The following BBX variants were observed in gnomAD, a reference collection of about 807,000 sequenced individuals.
BBX encodes the protein BBX high mobility group box domain containing.
Under a neutral mutation model 100.2 loss-of-function variants are expected in BBX, and 30 were observed. The ratio of observed to expected loss-of-function variants is 0.30; its 90% CI spans 0.22 to 0.41. The LOEUF (loss-of-function observed/expected upper bound fraction) is 0.41. Among genes scored for constraint, BBX ranks in the 10% least tolerant of loss-of-function variants. BBX has a pLI of 1.00. For synonymous variants in BBX, 376 were observed against 388.1 expected (o/e 0.97, Z 0.37); for missense variants, 1,023 against 1,129.8 (o/e 0.91, Z 1.35).
rs559883815 is a variant in BBX at position 107,621,859 on chromosome 3, T to C, written c.-83-23977T>C. On this transcript the variant is annotated intron_variant, in intron 2 of 17. Coordinates refer to ENST00000325805, the MANE Select transcript of BBX (RefSeq NM_001142568.3). ...CAATGAACTGATACAGCTCATCCCC[T>C]TTAAATACTCTTATTCATAGATACA... is the stretch of plus-strand genomic sequence containing the variant. 2.0e-5 allele frequency among the ~76,000 whole-genome samples: 3 copies of C among 152,362 alleles called. No individual in the cohort carries two copies. The South Asian group carries it at 6.2e-4, about 32-fold the overall frequency.
intron 3 of BBX, among the ~76,000 whole-genome samples, chr3:107,686,465 A>G (rs560902869): frequency 4.6e-4 from 69 of 151,626 alleles, no homozygotes; most frequent in Non-Finnish European, 8.8e-4. Context: ...TTCTAAGACT[A>G]TAAACCTGTG....
intron 2 of BBX, among the ~76,000 whole-genome samples, chr3:107,553,731 A>G (rs2049873891): frequency 6.6e-6 from 1 of 152,196 alleles, no homozygotes; most frequent in South Asian, 2.1e-4. Flanking sequence ...GTGATTTCTG[A>G]TTACTATCTC....
At chr3:107,554,634 T>G (rs2107445120) in intron 2 of BBX, among the ~76,000 whole-genome samples, 1 of 152,340 alleles carries the variant, frequency 6.6e-6, no homozygotes, top group African/African-American at 2.4e-5. Flanking sequence ...TTTCTGTAGC[T>G]CTTTGATTCG....
At chr3:107,791,395 A>G in intron 15 of BBX, 96 bp downstream of exon 15, 1 of 1,009,752 alleles carries the variant, frequency 9.9e-7, no homozygotes, top group Non-Finnish European at 1.5e-6. Flanking sequence ...ATAGGTTTAA[A>G]CAACAGCACT....
chr3:107,615,481 A>G (rs879222092), intron 2 of BBX, among the ~76,000 whole-genome samples: 1 of 152,228 alleles, frequency 6.6e-6, no homozygotes, highest in African/African-American at 2.4e-5. Context: ...ACATTGTAGA[A>G]AGAGCAAGGC....
intron 15 of BBX, among the ~76,000 whole-genome samples, chr3:107,792,951 C>T (rs2069211318): frequency 6.6e-6 from 1 of 151,996 alleles, no homozygotes; most frequent in Admixed American, 6.6e-5. Context: ...GAGCACTTAC[C>T]TGGGAGTTAG....
At chr3:107,633,308 ATAT>A (rs1405779342) in intron 2 of BBX, among the ~76,000 whole-genome samples, 19 of 152,088 alleles carry the variant, frequency 1.2e-4, no homozygotes, top group South Asian at 6.2e-4. Flanking sequence ...TAGTTGAATT[ATAT>A]TATTATTAAA....
intron 13 of BBX, among the ~76,000 whole-genome samples, chr3:107,788,127 T>TATTTC: frequency 6.6e-6 from 1 of 152,310 alleles, no homozygotes; most frequent in East Asian, 1.9e-4. Context: ...TATTTTATTT[T>TATTTC]ATTTCATTTT....
chr3:107,565,932 G>A (rs1160063618), intron 2 of BBX, among the ~76,000 whole-genome samples: 1 of 151,772 alleles, frequency 6.6e-6, no homozygotes, highest in South Asian at 2.1e-4. Flanking sequence ...CTAGCACTTT[G>A]AGAGGCTGAG....
intron 5 of BBX, among the ~76,000 whole-genome samples, chr3:107,725,431 A>G (rs2062850347): frequency 6.6e-6 from 1 of 152,066 alleles, no homozygotes. Flanking sequence ...CCTGGCCAGA[A>G]CTTCCAACAC....
In BBX at chr3:107,798,406, C is replaced by T. The variant is rs545078935; in HGVS notation, c.2354-117C>T. The T allele has an allele frequency of 8.0e-5, 75 of 936,948 alleles. 2 individuals carry two copies. In the South Asian group the frequency reaches 1.2e-3, roughly 15 times the overall value. The allele number at this position is 936,948 out of a possible 1,614,324, so 58.0% of individuals were successfully genotyped here. A position where few individuals can be genotyped will look rare whatever the true frequency, so the allele number is the denominator to read the frequency against. ...ATTTTTTCCATCAGTACTTTGAAAA[C>T]TCTGAGTGTAAATTCTCCATTCAGA... On this transcript the variant is annotated intron_variant, in intron 15 of 17. Coordinates refer to ENST00000325805, the MANE Select transcript of BBX (RefSeq NM_001142568.3).
rs1049666282 is a variant in BBX, at chr3:107,772,598, G to T, written c.907-30G>T. ...GGTGGAATAATAAGGATACTTTCGG[G>T]TGCTCTCCCATTTTGTTTTAATTGT... is the stretch of plus-strand genomic sequence containing the variant. On this transcript the variant is annotated intron_variant, in intron 10 of 17. Coordinates refer to ENST00000325805, the MANE Select transcript of BBX (RefSeq NM_001142568.3). 1.0e-5 allele frequency: 16 copies of T among 1,535,564 alleles called. No homozygotes were observed. The African/African-American group carries it at 2.0e-4, about 19-fold the overall frequency.
intron 3 of BBX, among the ~76,000 whole-genome samples, chr3:107,650,361 G>A (rs2057768568): frequency 6.6e-6 from 1 of 151,968 alleles, no homozygotes; most frequent in African/African-American, 2.4e-5. Context: ...ATGATCTGAG[G>A]TGGAACAGTT....
intron 3 of BBX, among the ~76,000 whole-genome samples, chr3:107,698,078 T>C (rs1315410792): frequency 6.6e-6 from 1 of 151,722 alleles, no homozygotes; most frequent in Non-Finnish European, 1.5e-5. Context: ...GCGCACCCAC[T>C]GACCTGCGCC....
intron 13 of BBX, among the ~76,000 whole-genome samples, chr3:107,782,436 A>G (rs1321582842): frequency 2.0e-5 from 3 of 152,090 alleles, no homozygotes; most frequent in Admixed American, 2.0e-4. Context: ...ACATGAAACT[A>G]TAGAACCTGG....
intron 3 of BBX, among the ~76,000 whole-genome samples, chr3:107,674,461 T>C (rs775318474): frequency 4.6e-5 from 7 of 152,186 alleles, no homozygotes; most frequent in Admixed American, 6.5e-5. Context: ...TAGAAACCCT[T>C]GCGCTAGTAA....
chr3:107,564,994 C>T (rs2107491381), intron 2 of BBX, among the ~76,000 whole-genome samples: 1 of 152,274 alleles, frequency 6.6e-6, no homozygotes, highest in Middle Eastern at 3.4e-3. Context: ...CAAGCTTTTT[C>T]TTCCATCTTT....
intron 2 of BBX, among the ~76,000 whole-genome samples, chr3:107,590,131 G>T (rs969264951): frequency 6.6e-6 from 1 of 151,798 alleles, no homozygotes; most frequent in African/African-American, 2.4e-5. Flanking sequence ...TAATCATTTC[G>T]TGGGACCTTT....
chr3:107,705,904 T>TC (rs1314411981), intron 3 of BBX, among the ~76,000 whole-genome samples: 1 of 152,126 alleles, frequency 6.6e-6, no homozygotes, highest in African/African-American at 2.4e-5. Flanking sequence ...CCTTTTTTTT[T>TC]CTTCTTCTTT....
Sources: allele counts gnomAD v4.1 joint callset (sites outside exome capture counted in the v4.1 genomes callset), GRCh38; gene constraint gnomAD v4.1.1; transcripts MANE v1.5; gene names NCBI Gene and HGNC (gene_info 2026-07-23, HGNC 2026-07-21).